SORCS2: variants seen among roughly 807,000 people sequenced by gnomAD.
The protein encoded by SORCS2 is sortilin related VPS10 domain containing receptor 2, also known as VPS10 domain-containing receptor SorCS2.
Under a neutral mutation model 141.6 loss-of-function variants are expected in SORCS2, and 100 were observed. That is an observed-to-expected ratio of 0.71 (90% CI 0.60 to 0.83). SORCS2 has a LOEUF of 0.83. Among genes scored for constraint, SORCS2 ranks in the 40% least tolerant of loss-of-function variants. The probability of loss-of-function intolerance (pLI) is 0.00; values close to 1 mark genes in which losing one functional copy is unlikely to be tolerated. For synonymous variants in SORCS2, 789 were observed against 676.9 expected (o/e 1.17, Z -2.57); for missense variants, 1,646 against 1,560.2 (o/e 1.05, Z -0.93).
chr4:7,461,142 G>A (rs1729281473), intron 2 of SORCS2, among the ~76,000 whole-genome samples: 1 of 151,688 alleles, frequency 6.6e-6, no homozygotes, highest in South Asian at 2.1e-4. Flanking sequence ...GCGGTGATTC[G>A]ATCAGTGATG....
At chr4:7,273,636 G>C (rs1715283619) in intron 1 of SORCS2, among the ~76,000 whole-genome samples, 1 of 152,256 alleles carries the variant, frequency 6.6e-6, no homozygotes. Context: ...CTTCTGGAAA[G>C]GAATGGGGCT....
intron 2 of SORCS2, among the ~76,000 whole-genome samples, chr4:7,498,272 G>A (rs1203388230): frequency 6.6e-6 from 1 of 152,206 alleles, no homozygotes; most frequent in Non-Finnish European, 1.5e-5. Context: ...CTGTGGACAT[G>A]GGTGACCCAG....
chr4:7,697,099 C>T (rs891888856), intron 11 of SORCS2, 99 bp from the exon 12 acceptor site: 18 of 1,018,578 alleles, frequency 1.8e-5, no homozygotes, highest in African/African-American at 1.8e-4. Context: ...ACCCGGGGCA[C>T]TGGCCACCGT....
chr4:7,738,257 G>A (rs749551612), intron 26 of SORCS2, among the ~76,000 whole-genome samples: 1 of 152,250 alleles, frequency 6.6e-6, no homozygotes, highest in South Asian at 2.1e-4. Flanking sequence ...CAGGGCCGTG[G>A]CACCAGCCCT....
intron 1 of SORCS2, among the ~76,000 whole-genome samples, chr4:7,295,213 T>TC (rs1321936809): frequency 1.6e-5 from 1 of 63,054 alleles, no homozygotes; most frequent in Non-Finnish European, 2.9e-5. Flanking sequence ...CGGCTCCTCC[T>TC]CTCTCTCTCT....
intron 3 of SORCS2, among the ~76,000 whole-genome samples, chr4:7,635,703 C>T (rs1272442712): frequency 1.8e-4 from 28 of 152,322 alleles, no homozygotes; most frequent in Admixed American, 1.4e-3. Context: ...AACCAGCCCT[C>T]GGTTCTTCCT....
intron 2 of SORCS2, among the ~76,000 whole-genome samples, chr4:7,464,776 G>A (rs1054545148): frequency 2.0e-5 from 3 of 152,230 alleles, no homozygotes; most frequent in South Asian, 2.1e-4. Flanking sequence ...CTGAACTTCC[G>A]GCACTATGGA....
intron 1 of SORCS2, among the ~76,000 whole-genome samples, chr4:7,379,937 T>C (rs1468871108): frequency 6.6e-6 from 1 of 152,210 alleles, no homozygotes. Flanking sequence ...GTGTGATGAT[T>C]TGTCTCCTCC....
Position 7,553,314 on chromosome 4 carries a change from GA to G in SORCS2, c.648+21693del, listed in dbSNP as rs60902225. 8.3e-3 allele frequency among the ~76,000 whole-genome samples: 1,234 copies of G among 149,176 alleles called. 15 individuals carry two copies. The highest frequency in any genetic ancestry group is 0.026 in the African/African-American group (1,038 of 40,556). On this transcript the variant is annotated intron_variant, in intron 3 of 26. Transcript: ENST00000507866. ...TTTTTTCTTTAATTATGAGAGGGGG[GA>G]AAAAAAACCATGTAATTTTTCATCA...
chr4:7,604,341 G>T (rs1008106859), intron 3 of SORCS2, among the ~76,000 whole-genome samples: 4 of 152,174 alleles, frequency 2.6e-5, no homozygotes, highest in African/African-American at 9.7e-5. Context: ...TTTTTGAGAC[G>T]GAGTCTCGCT....
rs375771681 is a variant in SORCS2 at position 7,728,448 on chromosome 4, C to T, written c.2968C>T (p.Arg990Trp). The change falls in exon 22 of 27, where the codon CGG (arginine) becomes TGG (tryptophan). Residue 990 changes from arginine (R) to tryptophan (W), a missense_variant. Arg to Trp is a moderately radical substitution (Grantham distance 101). Coordinates refer to ENST00000507866, the MANE Select transcript of SORCS2 (RefSeq NM_020777.3). ...GGAAGACGTGGGCCTGGTGGTCACC[C>T]GGCTGCTCTCCAAGGTGTCCACCCA... ...WREDVGLVVT[R>W]LLSKETSVPQ... is the part of the protein sequence containing the mutation. 67 of 1,611,996 alleles carry T rather than the reference C, an allele frequency of 4.2e-5. No individual in the cohort carries two copies. In the African/African-American group the frequency reaches 5.7e-4, roughly 14 times the overall value.
intron 1 of SORCS2, among the ~76,000 whole-genome samples, chr4:7,324,677 C>A (rs1028099680): frequency 2.6e-5 from 4 of 152,210 alleles, no homozygotes; most frequent in African/African-American, 9.6e-5. Flanking sequence ...GCCAGGAGAC[C>A]TCCTCCACCC....
At chr4:7,487,787 C>A (rs1472120226) in intron 2 of SORCS2, among the ~76,000 whole-genome samples, 1 of 152,164 alleles carries the variant, frequency 6.6e-6, no homozygotes, top group Non-Finnish European at 1.5e-5. Context: ...CAATTAATCC[C>A]CAGCAGCTAC....
intron 1 of SORCS2, among the ~76,000 whole-genome samples, chr4:7,211,220 CGGG>C (rs1560113719): frequency 2.9e-5 from 4 of 137,196 alleles, no homozygotes; most frequent in South Asian, 5.0e-4. Context: ...AGCAGGAGAG[CGGG>C]AGGGAGGGAG....
chr4:7,685,080 T>TA (rs1723794128), intron 10 of SORCS2, among the ~76,000 whole-genome samples: 1 of 152,232 alleles, frequency 6.6e-6, no homozygotes, highest in Non-Finnish European at 1.5e-5. Context: ...CAGCCCTTTG[T>TA]AAAAACGCTT....
At position 7,728,403 on chromosome 4, in the gene SORCS2, C is replaced by A; in HGVS notation, c.2923C>A (p.Pro975Thr). 1 of 1,613,850 alleles carries A rather than the reference C, an allele frequency of 6.2e-7. No homozygotes were observed. Among genetic ancestry groups the A allele is most frequent in the South Asian group, 1.1e-5 (1 of 91,046 alleles). ...QFSKELDAYN[P>T]NTPEWREDVG... ...TTCCAAGGAGCTGGATGCCTACAACCCCAACACCCCTGAGTGGAGGGAAGA... is the reference window on the plus strand; with the variant it reads ...TTCCAAGGAGCTGGATGCCTACAACACCAACACCCCTGAGTGGAGGGAAGA... Residue 975 changes from proline to threonine, a missense_variant, in exon 22 of 27, where the codon CCC becomes ACC. Pro to Thr is a conservative substitution (Grantham distance 38). Coordinates refer to ENST00000507866, the MANE Select transcript of SORCS2 (RefSeq NM_020777.3).
chr4:7,345,239 A>T (rs1720592355), intron 1 of SORCS2, among the ~76,000 whole-genome samples: 1 of 152,124 alleles, frequency 6.6e-6, no homozygotes, highest in African/African-American at 2.4e-5. Context: ...AAATCTTAAA[A>T]CTTCTTAATG....
At chr4:7,318,766 C>T (rs747677010) in intron 1 of SORCS2, among the ~76,000 whole-genome samples, 2 of 152,008 alleles carry the variant, frequency 1.3e-5, no homozygotes, top group South Asian at 2.1e-4. Context: ...GAAAATGTGC[C>T]GTTTTAGGTG....
intron 8 of SORCS2, among the ~76,000 whole-genome samples, chr4:7,670,477 A>G (rs1182537012): frequency 1.3e-5 from 2 of 152,246 alleles, no homozygotes; most frequent in Non-Finnish European, 1.5e-5. Context: ...TTTGCCATAA[A>G]TGTATTTAAA....
Sources: allele counts gnomAD v4.1 joint callset (sites outside exome capture counted in the v4.1 genomes callset), GRCh38; gene constraint gnomAD v4.1.1; transcripts MANE v1.5; gene names NCBI Gene and HGNC (gene_info 2026-07-23, HGNC 2026-07-21).